The following KIAA1217 variants were observed in gnomAD, a reference collection of about 807,000 sequenced individuals.
KIAA1217 encodes KIAA1217.
A neutral mutation model predicts 163.9 loss-of-function variants in KIAA1217; 88 were observed. The ratio of observed to expected loss-of-function variants is 0.54; its 90% confidence interval spans 0.45 to 0.64. KIAA1217 has a LOEUF of 0.64. Ranked by LOEUF, KIAA1217 falls within the 30% of genes least tolerant of loss-of-function variation. KIAA1217 has a pLI of 0.00. For missense variants in KIAA1217, 2,372 were observed against 2,475.0 expected, an observed-to-expected ratio of 0.96 and a Z score of 0.88; for synonymous variants, 903 against 923.1, an observed-to-expected ratio of 0.98 and a Z score of 0.39.
At chr10:24,498,464 C>G (rs972224112) in intron 8 of KIAA1217, among the ~76,000 whole-genome samples, 20 of 151,996 alleles carry the variant, frequency 1.3e-4, no homozygotes, top group African/African-American at 4.6e-4. Context: ...ATGACATGTA[C>G]CAAATATAGG....
rs189439255 is a variant in KIAA1217 at position 24,457,071 on chromosome 10, C to T, written c.847-16157C>T. ...GTGTACTTCAGTGTGTTGGAGGAAA[C>T]GTCATCGAAATGGCACCAGTGTCTT... On this transcript the variant is annotated intron_variant, in intron 5 of 20. Transcript: ENST00000376454. Among the ~76,000 whole-genome samples the T allele has an allele frequency of 2.4e-3, 371 of 152,070 alleles. 1 individual carries two copies. The highest frequency in any genetic ancestry group is 8.8e-3 in the African/African-American group (364 of 41,486).
intron 2 of KIAA1217, among the ~76,000 whole-genome samples, chr10:24,174,411 T>C (rs1053477262): frequency 3.3e-5 from 5 of 152,216 alleles, no homozygotes; most frequent in African/African-American, 1.2e-4. Context: ...TATGTGCACG[T>C]ATGTGCATGC....
At chr10:23,820,807 T>C (rs2131011815) in intron 1 of KIAA1217, among the ~76,000 whole-genome samples, 1 of 152,222 alleles carries the variant, frequency 6.6e-6, no homozygotes, top group South Asian at 2.1e-4. Context: ...TTGTTTGGAG[T>C]TGGATGGCAC....
At chr10:24,352,496 G>A (rs1029228650) in intron 2 of KIAA1217, among the ~76,000 whole-genome samples, 6 of 151,970 alleles carry the variant, frequency 3.9e-5, no homozygotes, top group African/African-American at 1.5e-4. Context: ...CTATTAAAAA[G>A]TATAATCTTT....
At chr10:24,381,195 A>G in intron 3 of KIAA1217, 128 bp downstream of exon 3, 1 of 687,072 alleles carries the variant, frequency 1.5e-6, no homozygotes, top group Non-Finnish European at 2.1e-6. Context: ...AGTACTGGGA[A>G]ACTTCATTGG....
chr10:23,948,506 G>C (rs531719067), intron 1 of KIAA1217, among the ~76,000 whole-genome samples: 1 of 152,148 alleles, frequency 6.6e-6, no homozygotes, highest in East Asian at 1.9e-4. Flanking sequence ...GAGGTTTTTT[G>C]TGAAACTTTA....
chr10:23,863,417 T>C lies in KIAA1217; in HGVS notation c.-320-143808T>C, dbSNP rs370016507. Among the ~76,000 whole-genome samples, 15 of 152,166 alleles carry C rather than the reference T, an allele frequency of 9.9e-5. 1 individual carries two copies. The East Asian group carries it at 1.9e-3, about 20-fold the overall frequency. On this transcript the variant is annotated intron_variant, in intron 1 of 18. Transcript: ENST00000376462. ...TAATGAGGCTATGTGGGCTTTTCCA[T>C]ATTTAATGAGATTAAGACCCTTTCA...
upstream of KIAA1217, among the ~76,000 whole-genome samples, chr10:24,204,228 G>A (rs980482278): frequency 6.6e-6 from 1 of 152,262 alleles, no homozygotes; most frequent in Middle Eastern, 3.4e-3. Context: ...TGTCTGGCAG[G>A]ATCTCCTTGG....
chr10:24,327,786 A>G (rs900008359), intron 2 of KIAA1217, among the ~76,000 whole-genome samples: 1 of 151,986 alleles, frequency 6.6e-6, no homozygotes, highest in African/African-American at 2.4e-5. Context: ...TTTTATTTCC[A>G]TTTTACTGAC....
intron 1 of KIAA1217, among the ~76,000 whole-genome samples, chr10:23,894,291 G>C (rs554496944): frequency 9.2e-5 from 14 of 152,046 alleles, no homozygotes; most frequent in African/African-American, 2.7e-4. Flanking sequence ...CTTCAGCAAA[G>C]TCTCAGGATA....
intron 2 of KIAA1217, among the ~76,000 whole-genome samples, chr10:24,317,510 AG>A (rs778465966): frequency 3.3e-5 from 5 of 152,176 alleles, no homozygotes; most frequent in Non-Finnish European, 7.4e-5. Flanking sequence ...AATGAGGACA[AG>A]GGGTGATGAG....
chr10:23,925,327 C>G (rs939932827), intron 1 of KIAA1217, among the ~76,000 whole-genome samples: 3 of 152,116 alleles, frequency 2.0e-5, no homozygotes, highest in Non-Finnish European at 4.4e-5. Flanking sequence ...AGTGCCAGGC[C>G]CTGGGTTAGG....
intron 2 of KIAA1217, among the ~76,000 whole-genome samples, chr10:24,159,005 G>A (rs2065001886): frequency 6.6e-6 from 1 of 152,128 alleles, no homozygotes; most frequent in Non-Finnish European, 1.5e-5. Context: ...CCTGTAAATA[G>A]AATTTTGTGC....
At chr10:23,701,037 A>G (rs1836416594) in intron 1 of KIAA1217, among the ~76,000 whole-genome samples, 2 of 152,226 alleles carry the variant, frequency 1.3e-5, no homozygotes, top group Admixed American at 6.5e-5. Context: ...TAGTACCTAT[A>G]TCATAGAGTC....
chr10:24,044,179 G>T (rs114296963), intron 2 of KIAA1217, among the ~76,000 whole-genome samples: 2 of 152,076 alleles, frequency 1.3e-5, no homozygotes, highest in Non-Finnish European at 2.9e-5. Flanking sequence ...CCAACACATT[G>T]TATCATATAG....
At chr10:23,923,589 C>G (rs1040932461) in intron 1 of KIAA1217, among the ~76,000 whole-genome samples, 1 of 151,968 alleles carries the variant, frequency 6.6e-6, no homozygotes, top group Non-Finnish European at 1.5e-5. Context: ...ATGACAGAAG[C>G]AGAGATGGAG....
At chr10:23,852,679 C>A (rs1839415787) in intron 1 of KIAA1217, among the ~76,000 whole-genome samples, 1 of 152,168 alleles carries the variant, frequency 6.6e-6, no homozygotes, top group Admixed American at 6.5e-5. Context: ...TTTGTATCCT[C>A]TTTTATTTCA....
chr10:24,092,028 C>A (rs1424142178), intron 2 of KIAA1217, among the ~76,000 whole-genome samples: 2 of 151,748 alleles, frequency 1.3e-5, no homozygotes, highest in Admixed American at 6.6e-5. Context: ...CCAGTCCCTC[C>A]CATCCTACCA....
intron 1 of KIAA1217, among the ~76,000 whole-genome samples, chr10:24,218,566 G>A (rs912022610): frequency 6.6e-5 from 10 of 151,420 alleles, no homozygotes; most frequent in African/African-American, 2.4e-4. Context: ...TCGGCTCACT[G>A]CAAGCTCCGC....
Sources: gnomAD v4.1 joint callset for allele counts (sites outside exome capture counted in the v4.1 genomes callset) on GRCh38, gnomAD v4.1.1 for gene constraint, MANE v1.5 for transcripts, NCBI Gene and HGNC (gene_info 2026-07-23, HGNC 2026-07-21) for gene names.